IL6R: variants seen among roughly 807,000 people sequenced by gnomAD.
The protein encoded by IL6R is interleukin 6 receptor.
In IL6R, 38 loss-of-function variants were observed where a neutral mutation model predicts 48.3. The observed-to-expected ratio is 0.79, with a 90% CI of 0.61 to 1.03. IL6R has a LOEUF of 1.03. Ranked by LOEUF, IL6R falls within the 50% of genes least tolerant of loss-of-function variation. IL6R has a pLI of 0.00. For synonymous variants in IL6R, 264 were observed against 256.2 expected, an observed-to-expected ratio of 1.03 and a Z score of -0.29; for missense variants, 534 against 618.3, an observed-to-expected ratio of 0.86 and a Z score of 1.45.
In IL6R at chr1:154,405,679, G is replaced by C. The variant is rs1438000486; in HGVS notation, c.50G>C (p.Gly17Ala). 2.1e-5 allele frequency: 32 copies of C among 1,528,638 alleles called. No individual in the cohort carries two copies. In the Admixed American group the frequency reaches 4.3e-4, roughly 21 times the overall value. 94.7% of individuals were successfully genotyped at this position (1,528,638 alleles called of 1,614,324 possible). A position where few individuals can be genotyped will look rare whatever the true frequency, so the allele number is the denominator to read the frequency against. The change falls in exon 1 of 10, where the codon GGA (glycine) becomes GCA (alanine). Residue 17 changes from glycine (G) to alanine (A), a missense_variant. Gly to Ala is a moderately conservative substitution (Grantham distance 60, BLOSUM62 0). Coordinates refer to ENST00000368485, the MANE Select transcript of IL6R (RefSeq NM_000565.4). This position sits in a 1 kb window ranked among gnomAD's most constrained non-coding sequence, Gnocchi z 5.2. ...ALLAALLAAP[G>A]AALAPRRCPA... ...CTGGCTGCCCTGCTGGCCGCGCCGGGAGCGGCGCTGGCCCCAAGGCGCTGC... is the reference window on the plus strand; with the variant it reads ...CTGGCTGCCCTGCTGGCCGCGCCGGCAGCGGCGCTGGCCCCAAGGCGCTGC...
intron 1 of IL6R, chr1:154,414,880 T>C: frequency 1.2e-6 from 1 of 805,408 alleles, no homozygotes; most frequent in Non-Finnish European, 2.1e-6. Context: ...AAGCTGTTCC[T>C]TGTAATCAAA....
At chr1:154,453,343 G>A (rs985197064) in intron 8 of IL6R, among the ~76,000 whole-genome samples, 1 of 152,212 alleles carries the variant, frequency 6.6e-6, no homozygotes, top group Admixed American at 6.5e-5. Context: ...TGCAGCCAGC[G>A]CCCGCTCACC....
chr1:154,438,621 G>A (rs938729491), intron 6 of IL6R, among the ~76,000 whole-genome samples: 1 of 152,152 alleles, frequency 6.6e-6, no homozygotes, highest in Non-Finnish European at 1.5e-5. Context: ...TCCCAGCCCT[G>A]GCCCCAGGGA....
chr1:154,417,838 G>A (rs865829462), intron 1 of IL6R, among the ~76,000 whole-genome samples: 17 of 150,412 alleles, frequency 1.1e-4, no homozygotes, highest in African/African-American at 3.4e-4. Flanking sequence ...GGTTTCAAGC[G>A]ATTCTCCTGC....
At chr1:154,421,096 G>A (rs1688634515) in intron 1 of IL6R, among the ~76,000 whole-genome samples, 1 of 152,186 alleles carries the variant, frequency 6.6e-6, no homozygotes, top group African/African-American at 2.4e-5. Context: ...CTCCCTCCCT[G>A]TATGTGACCC....
intron 1 of IL6R, chr1:154,414,270 T>C (rs1688204748): frequency 1.1e-5 from 6 of 559,370 alleles, no homozygotes; most frequent in Non-Finnish European, 1.2e-5. Context: ...TATTTATTTT[T>C]TGAGAGAATG....
chr1:154,431,497 G>T (rs750140736), intron 3 of IL6R, among the ~76,000 whole-genome samples: 2 of 152,186 alleles, frequency 1.3e-5, no homozygotes, highest in East Asian at 1.9e-4. Flanking sequence ...TAAATTAGGT[G>T]CAGTAAGAGG....
intron 8 of IL6R, among the ~76,000 whole-genome samples, chr1:154,452,825 T>A (rs779383968): frequency 4.7e-5 from 7 of 148,470 alleles, no homozygotes. Context: ...AAAAAAAAAA[T>A]TCATTTGTCT....
At chr1:154,452,432 C>T (rs1241212446) in intron 8 of IL6R, among the ~76,000 whole-genome samples, 3 of 152,240 alleles carry the variant, frequency 2.0e-5, no homozygotes, top group African/African-American at 7.2e-5. Flanking sequence ...TGTGCTCTGC[C>T]TGGACACGCT....
chr1:154,436,692 T>C lies in IL6R; in HGVS notation c.949+582T>C, dbSNP rs929355685. ...GGGTTCTCCCTGTGGCTTCTCATCC[T>C]CAGCTGCCAGCCCAGACTCAGGGCA... On this transcript the variant is annotated intron_variant, in intron 6 of 9. Coordinates refer to ENST00000368485, the MANE Select transcript of IL6R (RefSeq NM_000565.4). 2.6e-5 allele frequency among the ~76,000 whole-genome samples: 4 copies of C among 152,170 alleles called. No individual in the cohort carries two copies. The South Asian group carries it at 6.2e-4, about 24-fold the overall frequency.
chr1:154,408,519 G>A (rs972385246), intron 1 of IL6R, among the ~76,000 whole-genome samples: 2 of 152,062 alleles, frequency 1.3e-5, no homozygotes, highest in Non-Finnish European at 2.9e-5. Context: ...TCTGGCTTGG[G>A]GTAGGGGGTG....
rs12084586 is a variant in IL6R, at chr1:154,413,426, G to A, written c.85+7712G>A. 6.0e-3 allele frequency among the ~76,000 whole-genome samples: 908 copies of A among 152,348 alleles called. 12 individuals are homozygous for A. The highest frequency in any genetic ancestry group is 0.021 in the African/African-American group (855 of 41,576). On this transcript the variant is annotated intron_variant, in intron 1 of 9. Coordinates refer to ENST00000368485, the MANE Select transcript of IL6R (RefSeq NM_000565.4). ...AGTACACCTGCAGGATATATTCCCC[G>A]AAGGGGAATTGATGGGCAAAGGCCA...
chr1:154,430,016 G>C (rs1044599407), intron 2 of IL6R, among the ~76,000 whole-genome samples: 1 of 152,068 alleles, frequency 6.6e-6, no homozygotes, highest in Non-Finnish European at 1.5e-5. Flanking sequence ...CTATGCCAAG[G>C]CACTTTCTTC....
At chr1:154,437,464 A>G (rs1689694402) in intron 6 of IL6R, 1 of 438,344 alleles carries the variant, frequency 2.3e-6, no homozygotes, top group South Asian at 1.6e-5. Flanking sequence ...CCCAGGATGG[A>G]GTACAGCAGT....
In IL6R at chr1:154,405,568, G is replaced by T; in HGVS notation, c.-62G>T. ...CCGCCCCGCCCCTGCCACCCCTGCC[G>T]CCCGGTTCCCATTAGCCTGTCCGCC... On this transcript the variant is annotated 5_prime_UTR_variant, in exon 1 of 10. Transcript: ENST00000368485. The surrounding 1 kb of genome is among the most constrained non-coding windows in gnomAD (Gnocchi z 5.2). 1 of 460,042 alleles carries T rather than the reference G, an allele frequency of 2.2e-6. No individual in the cohort carries two copies. Among genetic ancestry groups the T allele is most frequent in the Non-Finnish European group, 2.8e-6 (1 of 357,150 alleles). The allele number at this position is 460,042 out of a possible 1,614,324, so 28.5% of individuals were successfully genotyped here.
At chr1:154,445,937 CT>C (rs1326215270) in intron 6 of IL6R, among the ~76,000 whole-genome samples, 7 of 149,406 alleles carry the variant, frequency 4.7e-5, no homozygotes, top group East Asian at 3.9e-4. Context: ...TTGTTTTCTT[CT>C]TTTTTTTTTA....
In IL6R at chr1:154,462,191, C is replaced by A. The variant is rs540965248; in HGVS notation, c.1161-2943C>A. 3.3e-5 allele frequency among the ~76,000 whole-genome samples: 5 copies of A among 152,280 alleles called. No homozygotes were observed. The South Asian group carries it at 1.0e-3, about 32-fold the overall frequency. On this transcript the variant is annotated intron_variant, in intron 9 of 9. Transcript: ENST00000368485. ...TGTGGAGATGGTTTTACAATCAACA[C>A]CCAGATCAAGAACACTTAATATTTA... is the stretch of plus-strand genomic sequence containing the variant.
intron 1 of IL6R, among the ~76,000 whole-genome samples, chr1:154,411,965 TGAGA>T (rs1464485918): frequency 6.7e-6 from 1 of 149,638 alleles, no homozygotes; most frequent in African/African-American, 2.5e-5. Flanking sequence ...TTTTTTTTTT[TGAGA>T]TGGAGTCTTG....
rs1691682209 is a variant in IL6R, at chr1:154,469,185, A to G, written c.*3805A>G. Reference sequence around the variant, plus strand: ...GAAAGGATTGGAACAGCATGTCACAAGGCTGTTAATTAACAGAGAGACCTT... The same window carrying G: ...GAAAGGATTGGAACAGCATGTCACAGGGCTGTTAATTAACAGAGAGACCTT... On this transcript the variant is annotated 3_prime_UTR_variant, in exon 10 of 10. Coordinates refer to ENST00000368485, the MANE Select transcript of IL6R (RefSeq NM_000565.4). 6.6e-6 allele frequency: 1 copy of G among 152,264 alleles called. No homozygotes were observed. The highest frequency in any genetic ancestry group is 1.5e-5 in the Non-Finnish European group (1 of 68,046). 9.4% of individuals were successfully genotyped at this position (152,264 alleles called of 1,614,324 possible).
Sources: allele counts gnomAD v4.1 joint callset (sites outside exome capture counted in the v4.1 genomes callset), GRCh38; gene constraint gnomAD v4.1.1; non-coding constraint Gnocchi (gnomAD v3.1); transcripts MANE v1.5; gene names NCBI Gene and HGNC (gene_info 2026-07-23, HGNC 2026-07-21).